Variants in CLEC2D observed in about 807,000 individuals in gnomAD.
CLEC2D encodes C-type lectin domain family 2 member D.
CLEC2D carries 16 observed loss-of-function variants against 20.0 expected under a neutral mutation model. That is an observed-to-expected ratio of 0.80 (90% confidence interval 0.54 to 1.22). CLEC2D has a LOEUF of 1.22. Ranked by LOEUF, CLEC2D falls within the 50% of genes most tolerant of loss-of-function variation. The probability of loss-of-function intolerance (pLI) is 0.00; values close to 1 mark genes in which losing one functional copy is unlikely to be tolerated. For synonymous variants in CLEC2D, 77 were observed against 71.1 expected (o/e 1.08, Z -0.42); for missense variants, 207 against 221.5 (o/e 0.93, Z 0.42).
At chr12:9,669,925 C>A in intron 1 of CLEC2D, 130 bp downstream of exon 1, 3 of 592,560 alleles carry the variant, frequency 5.1e-6, no homozygotes, top group Non-Finnish European at 6.0e-6. Context: ...ATGTGGGAGT[C>A]CATAAATTGG....
chr12:9,693,341 A>C, intron 4 of CLEC2D: 1 of 385,242 alleles, frequency 2.6e-6, no homozygotes, highest in Non-Finnish European at 4.6e-6. Context: ...TATTTAAAAT[A>C]AGACAATAGT....
intron 1 of CLEC2D, among the ~76,000 whole-genome samples, chr12:9,675,361 A>C (rs1357593889): frequency 1.3e-5 from 2 of 151,882 alleles, no homozygotes; most frequent in Admixed American, 6.6e-5. Context: ...ACGCCCGGCT[A>C]ATTTTTGTAT....
chr12:9,672,245 C>G (rs556365136), intron 1 of CLEC2D, among the ~76,000 whole-genome samples: 1 of 152,186 alleles, frequency 6.6e-6, no homozygotes, highest in African/African-American at 2.4e-5. Context: ...TAAACCCACT[C>G]CCATTATAAG....
In CLEC2D at chr12:9,688,039, G is replaced by GACT. The variant is rs1865787381; in HGVS notation, c.311_313dup (p.Asp104_Ser105insTyr). 1 of 1,612,664 alleles carries GACT rather than the reference G, an allele frequency of 6.2e-7. No homozygotes were observed. Among genetic ancestry groups the GACT allele is most frequent in the Middle Eastern group, 1.7e-4 (1 of 6,060 alleles). ...CTGGACATCAAGTCAGAGGTTTTGT[G>GACT]ACTCACAAGATGCTGATCTTGCTCA... On this transcript the variant is annotated inframe_insertion, in exon 3 of 5. Coordinates refer to ENST00000290855, the MANE Select transcript of CLEC2D (RefSeq NM_013269.6).
At chr12:9,687,293 C>A (rs1029492029) in intron 2 of CLEC2D, among the ~76,000 whole-genome samples, 1 of 152,212 alleles carries the variant, frequency 6.6e-6, no homozygotes, top group Admixed American at 6.5e-5. Context: ...AAGGAGCCCA[C>A]AACCTAGATT....
At chr12:9,683,345 T>G (rs1402051797) in intron 2 of CLEC2D, among the ~76,000 whole-genome samples, 6 of 149,060 alleles carry the variant, frequency 4.0e-5, no homozygotes, top group East Asian at 1.9e-4. Context: ...GTTTTTTTTT[T>G]TTTTTTTTTG....
At chr12:9,674,932 T>C (rs1333191943) in intron 1 of CLEC2D, among the ~76,000 whole-genome samples, 2 of 152,204 alleles carry the variant, frequency 1.3e-5, no homozygotes, top group Non-Finnish European at 1.5e-5. Context: ...CTACGAGTTT[T>C]ACAGTTTTGT....
chr12:9,695,362 C>A lies in CLEC2D; in HGVS notation c.*488C>A. The A allele has an allele frequency of 1.6e-6, 2 of 1,258,560 alleles. No individual in the cohort carries two copies. Among genetic ancestry groups the A allele is most frequent in the Non-Finnish European group, 2.3e-6 (2 of 872,906 alleles). The allele number at this position is 1,258,560 out of a possible 1,614,324, so 78.0% of individuals were successfully genotyped here. ...TTATCTTCGTCTGCCTTGTCTCCTA[C>A]CTAAGTGTGTGTCGCCACCCGATGG... On this transcript the variant is annotated 3_prime_UTR_variant, in exon 5 of 5. Transcript: ENST00000290855.
At chr12:9,693,002 AGTTACAT>A (rs1865899209) in intron 4 of CLEC2D, 71 bp downstream of exon 4, 1 of 1,599,702 alleles carries the variant, frequency 6.3e-7, no homozygotes, top group African/African-American at 1.3e-5. Context: ...AGTGTTCTCT[AGTTACAT>A]GCTTTAAAAA....
rs1865990584 is a variant in CLEC2D, at chr12:9,696,214, T to A, written c.*1340T>A. The A allele has an allele frequency of 1.2e-6, 1 of 847,528 alleles. No homozygotes were observed. The highest frequency in any genetic ancestry group is 2.0e-6 in the Non-Finnish European group (1 of 497,846). The allele number at this position is 847,528 out of a possible 1,614,324, so 52.5% of individuals were successfully genotyped here. A position where few individuals can be genotyped will look rare whatever the true frequency, so the allele number is the denominator to read the frequency against. On this transcript the variant is annotated 3_prime_UTR_variant, in exon 5 of 5. Transcript: ENST00000290855. ...AGAGGCTATTCAAGATCTCTGGCAG[T>A]GGAGGAAGTCTCTTTAAGAAAATAG...
At chr12:9,686,486 G>A (rs1051959740) in intron 2 of CLEC2D, among the ~76,000 whole-genome samples, 2 of 152,030 alleles carry the variant, frequency 1.3e-5, no homozygotes, top group African/African-American at 4.8e-5. Context: ...ATACACGTTT[G>A]CCTCATGTTA....
At chr12:9,683,322 GTT>G (rs1226655704) in intron 2 of CLEC2D, among the ~76,000 whole-genome samples, 13 of 80,860 alleles carry the variant, frequency 1.6e-4, no homozygotes, top group South Asian at 9.9e-4. Context: ...ATGATAGTTT[GTT>G]TTTTGTGTTT....
In CLEC2D at chr12:9,696,912, G is replaced by A. The variant is rs752925628; in HGVS notation, c.*2038G>A. The A allele has an allele frequency of 1.3e-5, 2 of 152,012 alleles. No homozygotes were observed. The highest frequency in any genetic ancestry group is 2.9e-5 in the Non-Finnish European group (2 of 68,016). 9.4% of individuals were successfully genotyped at this position (152,012 alleles called of 1,614,324 possible). A position where few individuals can be genotyped will look rare whatever the true frequency, so the allele number is the denominator to read the frequency against. On this transcript the variant is annotated 3_prime_UTR_variant, in exon 5 of 5. Coordinates refer to ENST00000290855, the MANE Select transcript of CLEC2D (RefSeq NM_013269.6). Reference sequence around the variant, plus strand: ...ACCTCATAAAGATATCTGCTTTCCTGTTTATTATAACACATCTTTATTCAT... The same window carrying A: ...ACCTCATAAAGATATCTGCTTTCCTATTTATTATAACACATCTTTATTCAT...
rs1328011153 is a variant in CLEC2D, at chr12:9,680,994, C to T, written c.133C>T (p.Leu45=). ...IWRLFFLIMF[L]TIIVCGMVAA... is the part of the protein sequence containing the mutation. ...GCGCTTATTTTTCTTAATCATGTTT[C>T]TGACAATCATAGTGTGTGGAATGGT... is the stretch of plus-strand genomic sequence containing the variant. The change falls in exon 2 of 5, where the codon CTG becomes TTG. Residue 45 remains leucine (L), a synonymous_variant. Coordinates refer to ENST00000290855, the MANE Select transcript of CLEC2D (RefSeq NM_013269.6). The T allele has an allele frequency of 2.5e-6, 4 of 1,604,498 alleles. 1 individual carries two copies. In the South Asian group the frequency reaches 3.3e-5, roughly 13 times the overall value.
At chr12:9,682,426 C>G (rs1865655708) in intron 2 of CLEC2D, among the ~76,000 whole-genome samples, 1 of 151,954 alleles carries the variant, frequency 6.6e-6, no homozygotes, top group African/African-American at 2.4e-5. Flanking sequence ...CCCGCAGGTT[C>G]GTTACATAGG....
At chr12:9,688,802 TCCACTGAGAAAA>T (rs1865807940) in intron 3 of CLEC2D, among the ~76,000 whole-genome samples, 2 of 152,202 alleles carry the variant, frequency 1.3e-5, no homozygotes, top group Non-Finnish European at 2.9e-5. Context: ...AATCTGTTCC[TCCACTGAGAAAA>T]CTATTGAACT....
At chr12:9,694,077 A>G in intron 4 of CLEC2D, 1 of 181,020 alleles carries the variant, frequency 5.5e-6, no homozygotes, top group Non-Finnish European at 1.2e-5. Flanking sequence ...GCCTCCCAAA[A>G]TGTTGGAATT....
intron 1 of CLEC2D, among the ~76,000 whole-genome samples, chr12:9,670,934 G>T (rs1426606037): frequency 6.6e-6 from 1 of 152,110 alleles, no homozygotes; most frequent in Non-Finnish European, 1.5e-5. Flanking sequence ...TAAGTTGAGG[G>T]GCAGGTGAAT....
At chr12:9,691,930 A>G (rs141303581) in intron 3 of CLEC2D, among the ~76,000 whole-genome samples, 3,411 of 152,318 alleles carry the variant, frequency 0.022, 69 homozygotes, top group Non-Finnish European at 0.03. Context: ...TTTACTAATA[A>G]TAAAGAAAAT....
Sources: gnomAD v4.1 joint callset for allele counts (sites outside exome capture counted in the v4.1 genomes callset) on GRCh38, gnomAD v4.1.1 for gene constraint, MANE v1.5 for transcripts, NCBI Gene and HGNC (gene_info 2026-07-23, HGNC 2026-07-21) for gene names.